ADAMTS14: variants seen among roughly 807,000 people sequenced by gnomAD.
ADAMTS14 encodes A disintegrin and metalloproteinase with thrombospondin motifs 14.
A neutral mutation model predicts 128.6 loss-of-function variants in ADAMTS14; 100 were observed. The ratio of observed to expected loss-of-function variants is 0.78; its 90% CI spans 0.66 to 0.92. ADAMTS14 has a LOEUF of 0.92. Among genes scored for constraint, ADAMTS14 ranks in the 40% least tolerant of loss-of-function variants. The pLI is 0.00. For synonymous variants in ADAMTS14, 665 were observed against 653.8 expected (o/e 1.02, Z -0.26); for missense variants, 1,562 against 1,658.6 (o/e 0.94, Z 1.01).
intron 6 of ADAMTS14, among the ~76,000 whole-genome samples, chr10:70,730,721 T>C (rs1017558828): frequency 8.5e-5 from 13 of 152,138 alleles, no homozygotes; most frequent in African/African-American, 2.7e-4. Context: ...CTCCCAATTG[T>C]GGAATGGGGA....
At chr10:70,738,731 G>A in intron 10 of ADAMTS14, 111 bp from the exon 11 acceptor site, 3 of 1,449,614 alleles carry the variant, frequency 2.1e-6, no homozygotes, top group South Asian at 1.2e-5. Context: ...TGCTAGGGGT[G>A]GGATTCTGCC....
At chr10:70,732,017 G>A (rs886607674) in intron 6 of ADAMTS14, among the ~76,000 whole-genome samples, 4 of 152,114 alleles carry the variant, frequency 2.6e-5, no homozygotes, top group Non-Finnish European at 4.4e-5. Flanking sequence ...TTAGAGGGGC[G>A]CTGATAAACC....
chr10:70,677,002 G>T (rs180918573), intron 2 of ADAMTS14, among the ~76,000 whole-genome samples: 1 of 152,274 alleles, frequency 6.6e-6, no homozygotes. Context: ...TATATGGTGA[G>T]AACCTAAACT....
chr10:70,740,962 A>C (rs752193931), intron 11 of ADAMTS14, 25 bp from the exon 12 acceptor site: 1 of 1,608,322 alleles, frequency 6.2e-7, no homozygotes, highest in Non-Finnish European at 8.5e-7. Context: ...CAGCAAGGTC[A>C]TCCATTTCTC....
At position 70,702,265 on chromosome 10, in the gene ADAMTS14, A is replaced by C. The variant is rs1589277441; in HGVS notation, c.523-47A>C. 1.9e-6 allele frequency: 3 copies of C among 1,612,772 alleles called. No homozygotes were observed. In the East Asian group the frequency reaches 6.7e-5, roughly 36 times the overall value. Reference sequence around the variant, plus strand: ...CGCCTGTCGGCTGTACTGTGTGTTCATGCCTCTTATTTCTCTCTTTCCCGC... The same window carrying C: ...CGCCTGTCGGCTGTACTGTGTGTTCCTGCCTCTTATTTCTCTCTTTCCCGC... On this transcript the variant is annotated intron_variant, in intron 2 of 21. Transcript: ENST00000373207.
Position 70,760,208 on chromosome 10 carries a change from T to C in ADAMTS14, c.3179-152T>C, listed in dbSNP as rs369906579. The C allele has an allele frequency of 1.2e-4, 114 of 991,230 alleles. No individual in the cohort carries two copies. In the African/African-American group the frequency reaches 1.7e-3, roughly 15 times the overall value. 61.4% of individuals were successfully genotyped at this position (991,230 alleles called of 1,614,324 possible). Reference sequence around the variant, plus strand: ...GGCTGACTCTCCCGTCAGGTGGCTCTGTAGCCCCCACCCTGAGAAAAAGCT... The same window carrying C: ...GGCTGACTCTCCCGTCAGGTGGCTCCGTAGCCCCCACCCTGAGAAAAAGCT... On this transcript the variant is annotated intron_variant, in intron 21 of 21. Transcript: ENST00000373207.
At chr10:70,717,936 C>T (rs1841109587) in intron 4 of ADAMTS14, among the ~76,000 whole-genome samples, 1 of 152,206 alleles carries the variant, frequency 6.6e-6, no homozygotes, top group African/African-American at 2.4e-5. Context: ...TCTGACCTGC[C>T]TCAGAGCCCC....
intron 2 of ADAMTS14, among the ~76,000 whole-genome samples, chr10:70,697,308 C>T (rs1010582590): frequency 1.3e-5 from 2 of 152,180 alleles, no homozygotes; most frequent in East Asian, 1.9e-4. Flanking sequence ...CGGCAGCAGG[C>T]GAGGGGACTT....
rs771222232 is a variant in ADAMTS14 at position 70,741,026 on chromosome 10, C to T, written c.1788C>T (p.Phe596=). 12 of 1,614,020 alleles carry T rather than the reference C, an allele frequency of 7.4e-6. No individual in the cohort carries two copies. Among genetic ancestry groups the T allele is most frequent in the East Asian group, 4.5e-5 (2 of 44,892 alleles). Residue 596 remains phenylalanine, a synonymous_variant, in exon 12 of 22, where the codon TTC becomes TTT. Coordinates refer to ENST00000373207, the MANE Select transcript of ADAMTS14 (RefSeq NM_080722.4). ...YGGRLCLGPM[F]EYQVCNSEEC... is the part of the protein sequence containing the mutation. ...GCCGCCTGTGCTTAGGGCCCATGTT[C>T]GAGTACCAGGTCTGCAACAGCGAGG...
At chr10:70,708,818 T>TGGG in intron 4 of ADAMTS14, 40 bp downstream of exon 4, 9 of 383,252 alleles carry the variant, frequency 2.3e-5, no homozygotes, top group Non-Finnish European at 4.0e-5. Flanking sequence ...GGGAGTGGGG[T>TGGG]GGGGTGGGCC....
At chr10:70,728,488 T>A (rs1440255434) in intron 4 of ADAMTS14, among the ~76,000 whole-genome samples, 1 of 152,168 alleles carries the variant, frequency 6.6e-6, no homozygotes, top group Non-Finnish European at 1.5e-5. Context: ...GAAATGGGTG[T>A]CCCCAGGAGA....
At chr10:70,690,873 GTC>G (rs956550343) in intron 2 of ADAMTS14, among the ~76,000 whole-genome samples, 1 of 145,162 alleles carries the variant, frequency 6.9e-6, no homozygotes, top group African/African-American at 2.4e-5. Context: ...GCTGCTTCCT[GTC>G]TCTTCATCCT....
chr10:70,674,015 A>C (rs975697454), intron 1 of ADAMTS14, among the ~76,000 whole-genome samples: 1 of 152,198 alleles, frequency 6.6e-6, no homozygotes, highest in African/African-American at 2.4e-5. Context: ...TAACCTTGGA[A>C]AAATAGAGAA....
At chr10:70,689,834 C>G (rs1840134021) in intron 2 of ADAMTS14, among the ~76,000 whole-genome samples, 3 of 145,146 alleles carry the variant, frequency 2.1e-5, no homozygotes, top group African/African-American at 7.3e-5. Flanking sequence ...GGGAACATTC[C>G]TCCCCAGGGA....
In ADAMTS14 at chr10:70,733,771, C is replaced by T. The variant is rs187566187; in HGVS notation, c.1209-114C>T. On this transcript the variant is annotated intron_variant, in intron 7 of 21. Coordinates refer to ENST00000373207, the MANE Select transcript of ADAMTS14 (RefSeq NM_080722.4). ...GTTGGAAAACTGAGGCCAGGAAGAG[C>T]GATCTGAGCTCCGGGTCAGGTCAGG... The T allele has an allele frequency of 1.2e-4, 156 of 1,325,438 alleles. 2 individuals carry two copies. In the East Asian group the frequency reaches 3.0e-3, roughly 26 times the overall value. The allele number at this position is 1,325,438 out of a possible 1,614,324, so 82.1% of individuals were successfully genotyped here. A position where few individuals can be genotyped will look rare whatever the true frequency, so the allele number is the denominator to read the frequency against.
chr10:70,723,694 C>G (rs574588161), intron 4 of ADAMTS14, among the ~76,000 whole-genome samples: 5 of 152,286 alleles, frequency 3.3e-5, no homozygotes, highest in Admixed American at 2.0e-4. Flanking sequence ...CAGGGTCTTG[C>G]TTTTTCAGCA....
At chr10:70,749,298 C>G (rs1378723824) in intron 15 of ADAMTS14, among the ~76,000 whole-genome samples, 2 of 152,188 alleles carry the variant, frequency 1.3e-5, no homozygotes, top group Non-Finnish European at 2.9e-5. Flanking sequence ...CCTGGGGCAG[C>G]AGCAGCCCTG....
intron 12 of ADAMTS14, among the ~76,000 whole-genome samples, chr10:70,741,937 G>C (rs1279771716): frequency 1.3e-5 from 2 of 152,118 alleles, no homozygotes. Flanking sequence ...CTCTCCATGG[G>C]TCCTCCATGG....
intron 10 of ADAMTS14, among the ~76,000 whole-genome samples, chr10:70,737,911 TGTG>T (rs1286573046): frequency 6.6e-6 from 1 of 152,218 alleles, no homozygotes; most frequent in Non-Finnish European, 1.5e-5. Flanking sequence ...CAAATTGGAT[TGTG>T]GTGACGATTG....
Sources: allele counts gnomAD v4.1 joint callset (sites outside exome capture counted in the v4.1 genomes callset), GRCh38; gene constraint gnomAD v4.1.1; transcripts MANE v1.5; gene names NCBI Gene and HGNC (gene_info 2026-07-23, HGNC 2026-07-21).